Variants in LRRC61 observed in about 807,000 individuals in gnomAD.
LRRC61 encodes the protein leucine-rich repeat-containing protein 61.
A neutral mutation model predicts 15.1 loss-of-function variants in LRRC61; 9 were observed. That is an observed-to-expected ratio of 0.60 (90% confidence interval 0.36 to 1.04). LRRC61 has a LOEUF of 1.04. LRRC61 is among the 50% of genes least tolerant of loss of function. The pLI, the probability that LRRC61 is intolerant of heterozygous loss-of-function variation, is 0.01. For missense variants in LRRC61, 344 were observed against 335.6 expected, an observed-to-expected ratio of 1.03 and a Z score of -0.20; for synonymous variants, 173 against 158.6, an observed-to-expected ratio of 1.09 and a Z score of -0.68.
chr7:150,330,898 G>C lies in LRRC61; in HGVS notation c.-145+4888G>C, dbSNP rs756264942. On this transcript the variant is annotated intron_variant, in intron 2 of 2. Transcript: ENST00000359623. The surrounding 1 kb of genome is among the most constrained non-coding windows in gnomAD (Gnocchi z 4.6). ...TCTGGGGCCTTCCTGCTGGCCCAGA[G>C]GGAGAAGGGCTTGCTGGAGAGCATG... 11 of 1,612,240 alleles carry C rather than the reference G, an allele frequency of 6.8e-6. No homozygotes were observed. The highest frequency in any genetic ancestry group is 9.3e-6 in the Non-Finnish European group (11 of 1,179,294).
chr7:150,329,042 C>T (rs560389807), intron 2 of LRRC61, among the ~76,000 whole-genome samples: 74 of 152,304 alleles, frequency 4.9e-4, no homozygotes, highest in African/African-American at 1.6e-3. Context: ...TGATGCTATC[C>T]AGTTGAAACC....
the LRRC61 span, among the ~76,000 whole-genome samples, chr7:150,310,445 C>G: frequency 6.7e-6 from 1 of 148,910 alleles, no homozygotes. Context: ...CCCTATCCTA[C>G]CCATCCAGAA....
chr7:150,319,836 C>T (rs576975024), upstream of LRRC61, among the ~76,000 whole-genome samples: 1 of 152,280 alleles, frequency 6.6e-6, no homozygotes, highest in African/African-American at 2.4e-5. Context: ...GATGCTGTAT[C>T]TGGAAGCTCT....
At chr7:150,310,817 T>C in the LRRC61 span, among the ~76,000 whole-genome samples, 1 of 152,180 alleles carries the variant, frequency 6.6e-6, no homozygotes, top group Non-Finnish European at 1.5e-5. Context: ...GAACTTCTTC[T>C]TTGCAGCCCC....
Position 150,330,699 on chromosome 7 carries a change from T to C in LRRC61, c.-145+4689T>C, listed in dbSNP as rs750101404. The C allele has an allele frequency of 3.9e-6, 6 of 1,526,290 alleles. No individual in the cohort carries two copies. The highest frequency in any genetic ancestry group is 1.7e-5 in the Admixed American group (1 of 59,906). 94.5% of individuals were successfully genotyped at this position (1,526,290 alleles called of 1,614,324 possible). ...ATGGGGGCCGACCGACATTGACCAC[T>C]GGAAGCAAGTCCTCGTGTACAAGGT... On this transcript the variant is annotated intron_variant, in intron 2 of 2. Transcript: ENST00000359623. The surrounding 1 kb of genome is among the most constrained non-coding windows in gnomAD (Gnocchi z 4.6).
intron 2 of LRRC61, among the ~76,000 whole-genome samples, chr7:150,328,962 C>T (rs972262392): frequency 2.0e-5 from 3 of 152,180 alleles, no homozygotes; most frequent in African/African-American, 7.2e-5. Flanking sequence ...CCTCACCTAA[C>T]CGTGGTGTCC....
At chr7:150,329,414 G>A (rs1381792408) in intron 2 of LRRC61, among the ~76,000 whole-genome samples, 8 of 152,234 alleles carry the variant, frequency 5.3e-5, no homozygotes, top group African/African-American at 1.9e-4. Context: ...CCAAGGGAGC[G>A]AATCAGTCCC....
At chr7:150,318,204 GTTC>G in the LRRC61 span, among the ~76,000 whole-genome samples, 3 of 152,158 alleles carry the variant, frequency 2.0e-5, no homozygotes, top group African/African-American at 7.2e-5. Flanking sequence ...TTTGGATAAT[GTTC>G]TTGTTTTGTC....
Position 150,330,745 on chromosome 7 carries a change from A to C in LRRC61, c.-145+4735A>C, listed in dbSNP as rs1798080881. On this transcript the variant is annotated intron_variant, in intron 2 of 2. Transcript: ENST00000359623. The surrounding 1 kb of genome is among the most constrained non-coding windows in gnomAD (Gnocchi z 4.6). ...AAGGTGAAGGAGATTAGAGTGTCTG[A>C]ATACTCTTTGAACTCCCCAAGTCCC... is the stretch of plus-strand genomic sequence containing the variant. 1 of 1,610,234 alleles carries C rather than the reference A, an allele frequency of 6.2e-7. No individual in the cohort carries two copies. The highest frequency in any genetic ancestry group is 1.7e-5 in the Admixed American group (1 of 60,020).
Position 150,330,184 on chromosome 7 carries a change from C to A in LRRC61, c.-145+4174C>A. On this transcript the variant is annotated intron_variant, in intron 2 of 2. Transcript: ENST00000359623. The surrounding 1 kb of genome is among the most constrained non-coding windows in gnomAD (Gnocchi z 4.6). ...TCTGTGGAGGCCCAGGGACTCCTCA[C>A]CCAGCTCCAGCGCCAGCGCAGCCTC... is the stretch of plus-strand genomic sequence containing the variant. The A allele has an allele frequency of 1.7e-6, 1 of 587,274 alleles. No homozygotes were observed. 36.4% of individuals were successfully genotyped at this position (587,274 alleles called of 1,614,324 possible).
In LRRC61 at chr7:150,336,766, G is replaced by A; in HGVS notation, c.-96G>A. On this transcript the variant is annotated 5_prime_UTR_variant, in exon 3 of 3. Transcript: ENST00000359623. ...CATCGGAACCAGGCCTCCTGGCACT[G>A]GCCTGGGTAGAGCCAGGGCGAGCAC... The A allele has an allele frequency of 6.7e-7, 1 of 1,499,710 alleles. No individual in the cohort carries two copies. Among genetic ancestry groups the A allele is most frequent in the Non-Finnish European group, 8.9e-7 (1 of 1,121,128 alleles). The allele number at this position is 1,499,710 out of a possible 1,614,324, so 92.9% of individuals were successfully genotyped here.
At chr7:150,317,906 G>C in the LRRC61 span, among the ~76,000 whole-genome samples, 1 of 151,726 alleles carries the variant, frequency 6.6e-6, no homozygotes, top group African/African-American at 2.4e-5. Flanking sequence ...TCGGCTCCTT[G>C]CAAGGAGGAG....
At chr7:150,334,936 C>T (rs185387732) in intron 2 of LRRC61, among the ~76,000 whole-genome samples, 27 of 151,656 alleles carry the variant, frequency 1.8e-4, no homozygotes, top group African/African-American at 5.8e-4. Flanking sequence ...GCAGGAGAAT[C>T]GCTTGAACCC....
chr7:150,312,218 C>G, the LRRC61 span, among the ~76,000 whole-genome samples: 2 of 152,198 alleles, frequency 1.3e-5, no homozygotes, highest in African/African-American at 4.8e-5. Context: ...CTTCTAAAAA[C>G]CCACTCTACC....
rs577532733 is a variant in LRRC61, at chr7:150,334,196, G to T, written c.-144-2522G>T. 5.2e-4 allele frequency: 440 copies of T among 843,026 alleles called. 1 individual carries two copies. Among genetic ancestry groups the T allele is most frequent in the Non-Finnish European group, 5.8e-4 (404 of 700,206 alleles). The allele number at this position is 843,026 out of a possible 1,614,324, so 52.2% of individuals were successfully genotyped here. On this transcript the variant is annotated intron_variant, in intron 2 of 2. Transcript: ENST00000359623. ...AAAGCCACTGACCCAGTTCCTCAGG[G>T]CATTCACTTAACCTCTGCAGTCCCA...
chr7:150,320,725 T>C (rs574786093), upstream of LRRC61, among the ~76,000 whole-genome samples: 1 of 152,356 alleles, frequency 6.6e-6, no homozygotes, highest in African/African-American at 2.4e-5. Context: ...ATGGTGGCAT[T>C]GCACTCCAGC....
upstream of LRRC61, among the ~76,000 whole-genome samples, chr7:150,320,038 A>C (rs1797340228): frequency 1.3e-5 from 2 of 151,816 alleles, no homozygotes; most frequent in African/African-American, 4.8e-5. Flanking sequence ...TGAGTAAGAA[A>C]CTCCTTGTTT....
intron 2 of LRRC61, among the ~76,000 whole-genome samples, chr7:150,334,422 T>C (rs180721895): frequency 2.1e-5 from 3 of 139,540 alleles, no homozygotes; most frequent in Non-Finnish European, 4.5e-5. Context: ...CCTCTGCTGC[T>C]CGTGCATAGG....
At chr7:150,311,324 A>T in the LRRC61 span, among the ~76,000 whole-genome samples, 1 of 152,138 alleles carries the variant, frequency 6.6e-6, no homozygotes, top group African/African-American at 2.4e-5. Context: ...TTCTATCCAA[A>T]CAACTTGACC....
Sources: allele counts gnomAD v4.1 joint callset (sites outside exome capture counted in the v4.1 genomes callset), GRCh38; gene constraint gnomAD v4.1.1; non-coding constraint Gnocchi (gnomAD v3.1); transcripts MANE v1.5; gene names NCBI Gene and HGNC (gene_info 2026-07-23, HGNC 2026-07-21).